DOCK3: variants seen among roughly 807,000 people sequenced by gnomAD.
DOCK3 encodes dedicator of cytokinesis 3, also known as dedicator of cytokinesis protein 3.
DOCK3 carries 60 observed loss-of-function variants against 265.6 expected under a neutral mutation model. That is an observed-to-expected ratio of 0.23 (90% confidence interval 0.18 to 0.28). The LOEUF (loss-of-function observed/expected upper bound fraction) is 0.28. DOCK3 is among the 10% of genes least tolerant of loss of function. The pLI, the probability that DOCK3 is intolerant of heterozygous loss-of-function variation, is 1.00. For synonymous variants in DOCK3, 881 were observed against 938.0 expected, an observed-to-expected ratio of 0.94 and a Z score of 1.11; for missense variants, 1,981 against 2,594.3, an observed-to-expected ratio of 0.76 and a Z score of 5.14.
At chr3:51,312,250 A>G (rs1327744185) in intron 29 of DOCK3, among the ~76,000 whole-genome samples, 171 bp downstream of exon 29, 1 of 152,184 alleles carries the variant, frequency 6.6e-6, no homozygotes. Context: ...TTGGTAGCCA[A>G]ACTCCATGAG....
At chr3:50,938,389 T>A (rs1025825583) in intron 5 of DOCK3, among the ~76,000 whole-genome samples, 3 of 152,136 alleles carry the variant, frequency 2.0e-5, no homozygotes, top group African/African-American at 7.2e-5. Context: ...TCATCAGGAA[T>A]AGAGAAGAAC....
chr3:51,278,811 C>G (rs964287638), intron 26 of DOCK3, among the ~76,000 whole-genome samples: 9 of 151,938 alleles, frequency 5.9e-5, no homozygotes, highest in African/African-American at 2.2e-4. Flanking sequence ...TATTCAGTAC[C>G]TTTTTACATA....
At chr3:51,086,688 C>T (rs1418197947) in intron 7 of DOCK3, among the ~76,000 whole-genome samples, 1 of 152,150 alleles carries the variant, frequency 6.6e-6, no homozygotes, top group Non-Finnish European at 1.5e-5. Flanking sequence ...ATCCCAGCTA[C>T]TCAGGAGGCT....
chr3:50,938,527 A>G (rs988189397), intron 5 of DOCK3, among the ~76,000 whole-genome samples: 1 of 152,158 alleles, frequency 6.6e-6, no homozygotes, highest in Admixed American at 6.5e-5. Flanking sequence ...TCATAGAACA[A>G]ATTCGACAAG....
chr3:51,187,510 G>T (rs578072457), intron 12 of DOCK3, among the ~76,000 whole-genome samples: 2 of 152,238 alleles, frequency 1.3e-5, no homozygotes, highest in African/African-American at 4.8e-5. Context: ...TGTTGGGATG[G>T]CATGGGTGGT....
intron 4 of DOCK3, among the ~76,000 whole-genome samples, chr3:50,922,625 C>A (rs2108050169): frequency 6.6e-6 from 1 of 152,350 alleles, no homozygotes; most frequent in Non-Finnish European, 1.5e-5. Flanking sequence ...GTTGCTCACG[C>A]TGGGAGCTGT....
Position 50,949,555 on chromosome 3 carries a change from T to C in DOCK3, c.315+15478T>C, listed in dbSNP as rs191163740. Among the ~76,000 whole-genome samples, 1,029 of 152,284 alleles carry C rather than the reference T, an allele frequency of 6.8e-3. 17 individuals are homozygous for C. The highest frequency in any genetic ancestry group is 3.9e-3 in the Non-Finnish European group (266 of 67,994). ...TCTGCTTTTGTAATCAGTTTTAAGT[T>C]TGTGATTATCTTTTCCTTAAACATT... is the stretch of plus-strand genomic sequence containing the variant. On this transcript the variant is annotated intron_variant, in intron 5 of 52. Transcript: ENST00000266037.
At chr3:50,961,827 G>A (rs1277856837) in intron 5 of DOCK3, among the ~76,000 whole-genome samples, 1 of 152,034 alleles carries the variant, frequency 6.6e-6, no homozygotes, top group African/African-American at 2.4e-5. Flanking sequence ...CTAAATCTCT[G>A]ATCTGTTTAG....
intron 5 of DOCK3, among the ~76,000 whole-genome samples, chr3:50,969,248 ATTG>A (rs2077122434): frequency 1.3e-5 from 2 of 151,658 alleles, no homozygotes; most frequent in Admixed American, 6.6e-5. Flanking sequence ...ATCTTTTTCT[ATTG>A]TTGTTGATTT....
intron 5 of DOCK3, among the ~76,000 whole-genome samples, chr3:51,048,752 C>A (rs530036605): frequency 6.6e-6 from 1 of 151,940 alleles, no homozygotes; most frequent in African/African-American, 2.4e-5. Flanking sequence ...ACAGTAAAAA[C>A]TATGGGAGGC....
intron 3 of DOCK3, among the ~76,000 whole-genome samples, chr3:50,883,212 C>A (rs992381116): frequency 6.6e-6 from 1 of 151,668 alleles, no homozygotes; most frequent in Non-Finnish European, 1.5e-5. Flanking sequence ...CACATGTATA[C>A]ATATGTAACA....
At chr3:50,758,177 C>CAAAAAAAAAAAAAAAAA (rs771690340) in intron 1 of DOCK3, among the ~76,000 whole-genome samples, 1 of 23,828 alleles carries the variant, frequency 4.2e-5, no homozygotes, top group Non-Finnish European at 6.5e-5. Flanking sequence ...GACTCTGTCT[C>CAAAAAAAAAAAAAAAAA]AAAAAAAAAA....
At chr3:51,260,068 T>C (rs1372347834) in intron 22 of DOCK3, 88 bp from the exon 23 acceptor site, 1 of 1,324,966 alleles carries the variant, frequency 7.5e-7, no homozygotes, top group Non-Finnish European at 1.0e-6. Context: ...GTATAGAAAC[T>C]GCTGTTACTT....
At chr3:51,010,181 T>A (rs1368244677) in intron 5 of DOCK3, among the ~76,000 whole-genome samples, 1 of 152,176 alleles carries the variant, frequency 6.6e-6, no homozygotes. Flanking sequence ...CTTGTTAATT[T>A]TCTGTCTCGC....
chr3:50,758,418 T>C (rs1251147571), intron 1 of DOCK3, among the ~76,000 whole-genome samples: 4 of 152,044 alleles, frequency 2.6e-5, no homozygotes. Context: ...TCTGTATCTC[T>C]GTTTTTTTAT....
intron 3 of DOCK3, among the ~76,000 whole-genome samples, chr3:50,882,403 C>G (rs569762784): frequency 4.6e-5 from 7 of 152,136 alleles, no homozygotes; most frequent in South Asian, 2.1e-4. Flanking sequence ...CTACAAAGAA[C>G]TTAAACAAAT....
intron 1 of DOCK3, among the ~76,000 whole-genome samples, chr3:50,771,367 A>G (rs961100522): frequency 6.6e-6 from 1 of 152,234 alleles, no homozygotes. Flanking sequence ...ATTGATCATC[A>G]GAGAAATACA....
chr3:51,110,509 T>C (rs1255073187), intron 9 of DOCK3, among the ~76,000 whole-genome samples: 1 of 152,234 alleles, frequency 6.6e-6, no homozygotes, highest in Non-Finnish European at 1.5e-5. Flanking sequence ...GCTTTATCTC[T>C]GGTATGCAAG....
chr3:50,966,958 T>A (rs1359133461), intron 5 of DOCK3, among the ~76,000 whole-genome samples: 1 of 152,206 alleles, frequency 6.6e-6, no homozygotes, highest in East Asian at 1.9e-4. Flanking sequence ...AAAAAAATCT[T>A]TTTATTGATA....
Sources: gnomAD v4.1 joint callset for allele counts (sites outside exome capture counted in the v4.1 genomes callset) on GRCh38, gnomAD v4.1.1 for gene constraint, MANE v1.5 for transcripts, NCBI Gene and HGNC (gene_info 2026-07-23, HGNC 2026-07-21) for gene names.